The following SULF1 variants were observed in gnomAD, a reference collection of about 807,000 sequenced individuals.
SULF1 encodes the protein sulfatase 1.
Under a neutral mutation model 110.5 loss-of-function variants are expected in SULF1, and 46 were observed. That is an observed-to-expected ratio of 0.42 (90% CI 0.33 to 0.53). The LOEUF is 0.53. SULF1 is among the 20% of genes least tolerant of loss of function. SULF1 has a pLI of 0.12. For missense variants in SULF1, 941 were observed against 1,094.2 expected, an observed-to-expected ratio of 0.86 and a Z score of 1.98; for synonymous variants, 371 against 387.1, an observed-to-expected ratio of 0.96 and a Z score of 0.49.
At chr8:69,616,210 GTATATA>G (rs758049085) in intron 13 of SULF1, among the ~76,000 whole-genome samples, 1 of 140,126 alleles carries the variant, frequency 7.1e-6, no homozygotes, top group South Asian at 2.2e-4. Context: ...ATATGTGTGT[GTATATA>G]TATATATATA....
At chr8:69,539,684 T>G (rs935726812) in intron 3 of SULF1, among the ~76,000 whole-genome samples, 1 of 152,118 alleles carries the variant, frequency 6.6e-6, no homozygotes, top group Non-Finnish European at 1.5e-5. Context: ...TCCTCGAGTC[T>G]CGGGGAGGGA....
chr8:69,547,375 A>G (rs1049379410), intron 3 of SULF1, among the ~76,000 whole-genome samples: 1 of 152,222 alleles, frequency 6.6e-6, no homozygotes, highest in Non-Finnish European at 1.5e-5. Flanking sequence ...GAAACCACCT[A>G]AGCATAGGAA....
chr8:69,621,105 T>G lies in SULF1; in HGVS notation c.1448T>G (p.Leu483Arg). 1 of 1,614,116 alleles carries G rather than the reference T, an allele frequency of 6.2e-7. No homozygotes were observed. The highest frequency in any genetic ancestry group is 8.5e-7 in the Non-Finnish European group (1 of 1,179,960). ...IHKCKGPSDLLTVRQSTRNLY... is the reference protein window; with the variant it reads ...IHKCKGPSDLRTVRQSTRNLY... ...AAGTGTAAAGGACCCAGTGACCTGC[T>G]CACAGTCCGGCAGAGCACGCGGAAC... Residue 483 changes from leucine (L) to arginine (R), a missense_variant, in exon 14 of 23, where the codon CTC (leucine) becomes CGC (arginine). By Grantham distance (102) the Leu-to-Arg change is moderately radical. This residue lies in a region of SULF1 where 822 missense variants were observed against 934.3 expected (regional missense o/e 0.88). Transcript: ENST00000402687.
At position 69,658,618 on chromosome 8, in the gene SULF1, C is replaced by CA; in HGVS notation, c.*87dup. The CA allele has an allele frequency of 8.9e-7, 1 of 1,124,088 alleles. No homozygotes were observed. The allele number at this position is 1,124,088 out of a possible 1,614,324, so 69.6% of individuals were successfully genotyped here. ...GAATGAAAACATCTATGAGTACAGA[C>CA]AAAACTACAGACTTAGTCTGGTGGA... On this transcript the variant is annotated 3_prime_UTR_variant, in exon 23 of 23. Transcript: ENST00000402687.
At chr8:69,635,852 A>G (rs1283432103) in intron 19 of SULF1, among the ~76,000 whole-genome samples, 8 of 152,158 alleles carry the variant, frequency 5.3e-5, no homozygotes, top group Non-Finnish European at 1.0e-4. Flanking sequence ...CTTGGGCAAC[A>G]GAGCAAGAAA....
rs116827317 is a variant in SULF1, at chr8:69,635,085, C to T, written c.2285-3417C>T. Among the ~76,000 whole-genome samples the T allele has an allele frequency of 7.4e-3, 1,127 of 152,262 alleles. 12 individuals carry two copies. Among genetic ancestry groups the T allele is most frequent in the African/African-American group, 0.026 (1,086 of 41,546 alleles). ...TGCTGGGATTATAGGCGTGAGCCAC[C>T]GCACCTGACCGTGTAAAAATATTTA... is the stretch of plus-strand genomic sequence containing the variant. On this transcript the variant is annotated intron_variant, in intron 19 of 22. Coordinates refer to ENST00000402687, the MANE Select transcript of SULF1 (RefSeq NM_001128205.2).
chr8:69,603,632 G>C lies in SULF1; in HGVS notation c.1223G>C (p.Arg408Pro). The C allele has an allele frequency of 6.2e-7, 1 of 1,613,656 alleles. No homozygotes were observed. The highest frequency in any genetic ancestry group is 8.5e-7 in the Non-Finnish European group (1 of 1,179,532). ...ACAAACAAGAAGGCCAAAATTTGGC[G>C]TGATACATTCCTAGTGGAAAGAGGG... ...FRTNKKAKIW[R>P]DTFLVERGKF... The change falls in exon 12 of 23, where the codon CGT becomes CCT. Residue 408 changes from arginine (R) to proline (P), a missense_variant. This residue lies in a region of SULF1 where 822 missense variants were observed against 934.3 expected (regional missense o/e 0.88). Coordinates refer to ENST00000402687, the MANE Select transcript of SULF1 (RefSeq NM_001128205.2).
chr8:69,546,234 A>G (rs1348563137), intron 3 of SULF1, among the ~76,000 whole-genome samples: 2 of 152,248 alleles, frequency 1.3e-5, no homozygotes, highest in Admixed American at 1.3e-4. Flanking sequence ...ATGAAAATGT[A>G]ATTGTTTTCA....
intron 13 of SULF1, among the ~76,000 whole-genome samples, chr8:69,608,580 G>A (rs571622458): frequency 6.6e-5 from 10 of 152,112 alleles, no homozygotes; most frequent in Admixed American, 3.9e-4. Flanking sequence ...AGCTACTTGG[G>A]AGGCTGAGAC....
intron 3 of SULF1, among the ~76,000 whole-genome samples, chr8:69,558,466 G>A (rs1174063843): frequency 6.6e-6 from 1 of 152,132 alleles, no homozygotes; most frequent in Non-Finnish European, 1.5e-5. Context: ...TATTTCTGTG[G>A]CGAGTGGGTT....
chr8:69,466,971 T>A (rs1290732511), intron 1 of SULF1: 1 of 152,176 alleles, frequency 6.6e-6, no homozygotes, highest in Non-Finnish European at 1.5e-5. Flanking sequence ...AGACATTGAA[T>A]GCTTCTCTCC....
chr8:69,516,968 C>G (rs1811968454), intron 3 of SULF1, among the ~76,000 whole-genome samples: 1 of 152,146 alleles, frequency 6.6e-6, no homozygotes, highest in Admixed American at 6.5e-5. Context: ...ATCTTCTCAC[C>G]TGTGCTTATC....
chr8:69,597,295 C>A (rs1466232439), intron 8 of SULF1: 1 of 152,198 alleles, frequency 6.6e-6, no homozygotes, highest in Non-Finnish European at 1.5e-5. Flanking sequence ...TCCAGTGACC[C>A]CCGACCTTCC....
At chr8:69,598,918 C>T (rs1193138720) in intron 8 of SULF1, among the ~76,000 whole-genome samples, 1 of 152,164 alleles carries the variant, frequency 6.6e-6, no homozygotes, top group African/African-American at 2.4e-5. Flanking sequence ...TCCTGGTCAC[C>T]AGGGTAACTT....
At chr8:69,564,208 G>A in intron 5 of SULF1, 61 bp downstream of exon 5, 1 of 1,580,558 alleles carries the variant, frequency 6.3e-7, no homozygotes. Context: ...TCGAGTCTCA[G>A]GATTATCAGG....
intron 22 of SULF1, among the ~76,000 whole-genome samples, chr8:69,648,951 C>T (rs1178882867): frequency 6.6e-6 from 1 of 152,212 alleles, no homozygotes; most frequent in Non-Finnish European, 1.5e-5. Context: ...GGATTCACGG[C>T]TTTTCTGTTT....
intron 13 of SULF1, among the ~76,000 whole-genome samples, chr8:69,607,182 A>T (rs1007124710): frequency 6.6e-6 from 1 of 152,260 alleles, no homozygotes; most frequent in African/African-American, 2.4e-5. Flanking sequence ...TGTGTTAACA[A>T]GTCCTCCAGG....
intron 1 of SULF1, chr8:69,467,097 T>C (rs1808889198): frequency 6.6e-6 from 1 of 152,190 alleles, no homozygotes; most frequent in Non-Finnish European, 1.5e-5. Context: ...ACGGTGAGCA[T>C]AGCTTGATGC....
intron 1 of SULF1, among the ~76,000 whole-genome samples, chr8:69,469,043 C>G (rs1009906551): frequency 6.6e-6 from 1 of 152,190 alleles, no homozygotes; most frequent in African/African-American, 2.4e-5. Flanking sequence ...AAATTCACAC[C>G]TTGAAACGGC....
Sources: gnomAD v4.1 joint callset for allele counts (sites outside exome capture counted in the v4.1 genomes callset) on GRCh38, gnomAD v4.1.1 for gene constraint, gnomAD v4.1.1 regional missense constraint, MANE v1.5 for transcripts, NCBI Gene and HGNC (gene_info 2026-07-23, HGNC 2026-07-21) for gene names.